Variants in NTN1 observed in about 807,000 individuals in gnomAD.
The protein encoded by NTN1 is netrin 1.
In NTN1, 11 loss-of-function variants were observed where a neutral mutation model predicts 54.2. The ratio of observed to expected loss-of-function variants is 0.20; its 90% CI spans 0.13 to 0.34. The LOEUF (loss-of-function observed/expected upper bound fraction) is 0.34. NTN1 is among the 10% of genes least tolerant of loss of function. NTN1 has a pLI of 1.00. For missense variants in NTN1, 740 were observed against 893.1 expected (o/e 0.83, Z 2.18); for synonymous variants, 371 against 382.0 (o/e 0.97, Z 0.33).
rs939866812 is a variant in NTN1, at chr17:9,241,117, G to C, written c.*1149G>C. 1 of 152,454 alleles carries C rather than the reference G, an allele frequency of 6.6e-6. No individual in the cohort carries two copies. The highest frequency in any genetic ancestry group is 1.9e-4 in the East Asian group (1 of 5,196). 9.4% of individuals were successfully genotyped at this position (152,454 alleles called of 1,614,324 possible). On this transcript the variant is annotated 3_prime_UTR_variant, in exon 7 of 7. Transcript: ENST00000173229. ...CCGGGGGCTTGTTTGAGCTGGGATGGGGTTTGCTGGCTCAGTGAAGTACCA... is the reference window on the plus strand; with the variant it reads ...CCGGGGGCTTGTTTGAGCTGGGATGCGGTTTGCTGGCTCAGTGAAGTACCA...
chr17:9,152,080 C>T (rs1387439393), intron 2 of NTN1, among the ~76,000 whole-genome samples: 1 of 152,290 alleles, frequency 6.6e-6, no homozygotes, highest in East Asian at 1.9e-4. Context: ...GCAATCCACT[C>T]GGGTCACCTT....
At chr17:9,076,695 T>C (rs1251934069) in intron 2 of NTN1, among the ~76,000 whole-genome samples, 1 of 152,196 alleles carries the variant, frequency 6.6e-6, no homozygotes, top group African/African-American at 2.4e-5. Context: ...TACTTTAGAT[T>C]AGCTCACAGT....
At chr17:9,151,970 G>C (rs190104702) in intron 2 of NTN1, among the ~76,000 whole-genome samples, 14 of 152,286 alleles carry the variant, frequency 9.2e-5, no homozygotes, top group Admixed American at 1.3e-4. Context: ...GTAGCCAATC[G>C]CGGGGAGGAT....
chr17:9,078,028 T>C (rs1252598505), intron 2 of NTN1, among the ~76,000 whole-genome samples: 1 of 152,132 alleles, frequency 6.6e-6, no homozygotes, highest in African/African-American at 2.4e-5. Context: ...CCACTCAGTA[T>C]TGTTTGTTAA....
intron 2 of NTN1, among the ~76,000 whole-genome samples, chr17:9,114,642 A>G (rs1034548845): frequency 3.1e-4 from 47 of 152,104 alleles, no homozygotes; most frequent in African/African-American, 1.0e-3. Flanking sequence ...AATCCCAGCT[A>G]CTTGGGAGGC....
chr17:9,042,733 G>A (rs1387420380), intron 2 of NTN1, among the ~76,000 whole-genome samples: 6 of 151,484 alleles, frequency 4.0e-5, no homozygotes, highest in Non-Finnish European at 8.8e-5. Flanking sequence ...GTTGCAGTGA[G>A]CCGAGATTGC....
chr17:9,235,048 C>T (rs1472988418), intron 6 of NTN1, among the ~76,000 whole-genome samples: 10 of 147,486 alleles, frequency 6.8e-5, no homozygotes, highest in South Asian at 2.2e-4. Context: ...CTGCAAACTC[C>T]GCCTCCCGGG....
chr17:9,050,875 C>G (rs1404967509), intron 2 of NTN1, among the ~76,000 whole-genome samples: 1 of 152,116 alleles, frequency 6.6e-6, no homozygotes, highest in Non-Finnish European at 1.5e-5. Context: ...GAAATGCTGG[C>G]CCTCCCCTGT....
intron 5 of NTN1, among the ~76,000 whole-genome samples, chr17:9,215,171 C>T (rs1905188533): frequency 6.6e-6 from 1 of 151,716 alleles, no homozygotes; most frequent in African/African-American, 2.4e-5. Flanking sequence ...TTCCCCACCT[C>T]ATTCTACTTC....
At chr17:9,097,261 C>T (rs374648144) in intron 2 of NTN1, among the ~76,000 whole-genome samples, 1 of 152,184 alleles carries the variant, frequency 6.6e-6, no homozygotes, top group Non-Finnish European at 1.5e-5. Context: ...CGCTTGTTCA[C>T]CCTGGAAAAT....
chr17:9,177,235 A>C (rs2092402497), intron 3 of NTN1: 1 of 152,250 alleles, frequency 6.6e-6, no homozygotes, highest in Non-Finnish European at 1.5e-5. Context: ...CAGCAGACAC[A>C]GTGGCCCTGC....
chr17:9,128,723 G>T lies in NTN1; in HGVS notation c.1019-34090G>T, dbSNP rs529602879. Among the ~76,000 whole-genome samples the T allele has an allele frequency of 5.9e-5, 9 of 152,250 alleles. 1 individual carries two copies. In the East Asian group the frequency reaches 1.7e-3, roughly 29 times the overall value. ...CCGAGGGAGACCCTTTGCCAATTCTGAGGGGTTCCTCTGGAATGCTCCCTC... is the reference window on the plus strand; with the variant it reads ...CCGAGGGAGACCCTTTGCCAATTCTTAGGGGTTCCTCTGGAATGCTCCCTC... On this transcript the variant is annotated intron_variant, in intron 2 of 6. Coordinates refer to ENST00000173229, the MANE Select transcript of NTN1 (RefSeq NM_004822.3).
chr17:9,152,055 C>CT (rs770952687), intron 2 of NTN1, among the ~76,000 whole-genome samples: 75 of 152,274 alleles, frequency 4.9e-4, no homozygotes, highest in Non-Finnish European at 9.7e-4. Flanking sequence ...GCTGGCCCCC[C>CT]GCGGGCCATG....
Position 9,135,396 on chromosome 17 carries a change from C to T in NTN1, c.1019-27417C>T, listed in dbSNP as rs1393689473. Reference sequence around the variant, plus strand: ...AGACCACACTAACGTTGTTCTCATGCACGGCTTCCTCTGGCCTCTGAGCCT... The same window carrying T: ...AGACCACACTAACGTTGTTCTCATGTACGGCTTCCTCTGGCCTCTGAGCCT... On this transcript the variant is annotated intron_variant, in intron 2 of 6. Coordinates refer to ENST00000173229, the MANE Select transcript of NTN1 (RefSeq NM_004822.3). This position sits in a 1 kb window ranked among gnomAD's most constrained non-coding sequence, Gnocchi z 4.4. Among the ~76,000 whole-genome samples, 1 of 152,238 alleles carries T rather than the reference C, an allele frequency of 6.6e-6. No individual in the cohort carries two copies. Among genetic ancestry groups the T allele is most frequent in the Admixed American group, 6.5e-5 (1 of 15,282 alleles).
At chr17:9,095,237 T>C (rs1371173793) in intron 2 of NTN1, among the ~76,000 whole-genome samples, 3 of 152,228 alleles carry the variant, frequency 2.0e-5, no homozygotes, top group Non-Finnish European at 2.9e-5. Flanking sequence ...CCCAAGTTTG[T>C]CCCTTGCCTC....
chr17:9,210,758 T>C (rs963869812), intron 5 of NTN1, among the ~76,000 whole-genome samples: 4 of 151,798 alleles, frequency 2.6e-5, no homozygotes, highest in Non-Finnish European at 4.4e-5. Flanking sequence ...ATACAAAAAT[T>C]AGCTGTGCAT....
chr17:9,183,387 G>C, intron 5 of NTN1: 1 of 478,550 alleles, frequency 2.1e-6, no homozygotes. Flanking sequence ...GGGGGCCCAG[G>C]AGCTGGGCGT....
chr17:9,052,003 G>T lies in NTN1; in HGVS notation c.1018+28612G>T, dbSNP rs144998649. Among the ~76,000 whole-genome samples the T allele has an allele frequency of 4.2e-3, 628 of 151,178 alleles. 3 individuals are homozygous for T. Among genetic ancestry groups the T allele is most frequent in the African/African-American group, 0.014 (565 of 41,118 alleles). ...ATTTTGTGTTTTGACGCGGAGTTTCGCTCTTGCTGCCTAGGCTGGTATGCA... is the reference window on the plus strand; with the variant it reads ...ATTTTGTGTTTTGACGCGGAGTTTCTCTCTTGCTGCCTAGGCTGGTATGCA... On this transcript the variant is annotated intron_variant, in intron 2 of 6. Coordinates refer to ENST00000173229, the MANE Select transcript of NTN1 (RefSeq NM_004822.3).
the NTN1 span, among the ~76,000 whole-genome samples, chr17:9,004,750 A>T: frequency 6.6e-6 from 1 of 152,112 alleles, no homozygotes; most frequent in Non-Finnish European, 1.5e-5. Context: ...GCGTGTATCC[A>T]CCTCACCCGG....
Sources: allele counts gnomAD v4.1 joint callset (sites outside exome capture counted in the v4.1 genomes callset), GRCh38; gene constraint gnomAD v4.1.1; non-coding constraint Gnocchi (gnomAD v3.1); transcripts MANE v1.5; gene names NCBI Gene and HGNC (gene_info 2026-07-23, HGNC 2026-07-21).